HPSE2: variants seen among roughly 807,000 people sequenced by gnomAD.
The protein encoded by HPSE2 is heparanase 2 (inactive).
HPSE2 carries 38 observed loss-of-function variants against 60.5 expected under a neutral mutation model. That is an observed-to-expected ratio of 0.63 (90% CI 0.48 to 0.82). HPSE2 has a LOEUF of 0.82. HPSE2 is among the 40% of genes least tolerant of loss of function. HPSE2 has a pLI of 0.00. For missense variants in HPSE2, 713 were observed against 740.4 expected (o/e 0.96, Z 0.43); for synonymous variants, 295 against 293.2 (o/e 1.01, Z -0.06).
At chr10:99,123,411 TG>T (rs1845036019) in intron 3 of HPSE2, among the ~76,000 whole-genome samples, 1 of 152,144 alleles carries the variant, frequency 6.6e-6, no homozygotes, top group South Asian at 2.1e-4. Flanking sequence ...GCTGCTAGAC[TG>T]AAAAAAACTT....
intron 3 of HPSE2, among the ~76,000 whole-genome samples, chr10:99,038,973 G>T (rs1209114691): frequency 6.6e-6 from 1 of 152,040 alleles, no homozygotes; most frequent in East Asian, 1.9e-4. Context: ...AAGCCCATAG[G>T]CTGGATCTGG....
chr10:98,485,600 T>G (rs1941412706), intron 10 of HPSE2, among the ~76,000 whole-genome samples: 1 of 151,518 alleles, frequency 6.6e-6, no homozygotes, highest in Admixed American at 6.6e-5. Context: ...GTGTTGACCA[T>G]CATTAAAGAA....
In HPSE2 at chr10:99,235,822, C is replaced by A. The variant is rs546463916; in HGVS notation, c.-20G>T. ...CCTCATTCAATCCCTCTGATTTAAACCTCTCTTCCTACTGGGTCTCGCTAG... is the reference window on the plus strand; with the variant it reads ...CCTCATTCAATCCCTCTGATTTAAAACTCTCTTCCTACTGGGTCTCGCTAG... On this transcript the variant is annotated 5_prime_UTR_variant, in exon 1 of 12. Transcript: ENST00000370552. 1 of 1,608,532 alleles carries A rather than the reference C, an allele frequency of 6.2e-7. No individual in the cohort carries two copies. Among genetic ancestry groups the A allele is most frequent in the East Asian group, 2.2e-5 (1 of 44,776 alleles).
At chr10:98,965,950 C>T (rs868242193) in intron 3 of HPSE2, among the ~76,000 whole-genome samples, 4 of 151,592 alleles carry the variant, frequency 2.6e-5, no homozygotes, top group African/African-American at 4.9e-5. Context: ...AGTGCAGTGG[C>T]GCGAATCTGG....
intron 2 of HPSE2, 112 bp downstream of exon 2, chr10:99,232,214 TACACACACACACACACACACAC>T (rs59437000): frequency 4.5e-6 from 4 of 898,260 alleles, no homozygotes; most frequent in Admixed American, 4.5e-5. Flanking sequence ...CGCGCGCGCA[TACACACACACACACACACACAC>T]ACACACACAC....
chr10:98,841,264 C>T (rs1238405399), intron 3 of HPSE2, among the ~76,000 whole-genome samples: 2 of 152,078 alleles, frequency 1.3e-5, no homozygotes, highest in African/African-American at 4.8e-5. Context: ...GTCTCAACAA[C>T]AAAAACAACT....
the HPSE2 span, among the ~76,000 whole-genome samples, chr10:99,292,586 T>A: frequency 6.6e-6 from 1 of 152,132 alleles, no homozygotes; most frequent in Non-Finnish European, 1.5e-5. Context: ...ACCACAAATA[T>A]GAGCCACACA....
intron 2 of HPSE2, among the ~76,000 whole-genome samples, chr10:99,156,384 T>C (rs1291380291): frequency 7.0e-6 from 1 of 142,000 alleles, no homozygotes; most frequent in African/African-American, 2.5e-5. Context: ...CAGCAGCACA[T>C]CAAAAAGCTT....
At chr10:99,030,718 T>C (rs1458628118) in intron 3 of HPSE2, among the ~76,000 whole-genome samples, 1 of 152,184 alleles carries the variant, frequency 6.6e-6, no homozygotes, top group Non-Finnish European at 1.5e-5. Flanking sequence ...CTATTCACAA[T>C]AGCCAAGATT....
At chr10:98,670,839 A>G (rs563188) in intron 6 of HPSE2, among the ~76,000 whole-genome samples, 28,311 of 152,194 alleles carry the variant, frequency 0.19, 3,124 homozygotes, top group East Asian at 0.33. Context: ...TTCATGTGAA[A>G]TCTTTAGTGT....
chr10:98,559,185 G>A (rs561290999), intron 9 of HPSE2, among the ~76,000 whole-genome samples: 78 of 152,216 alleles, frequency 5.1e-4, no homozygotes, highest in African/African-American at 1.8e-3. Context: ...CTGCCACCAC[G>A]CCTGGCTAAT....
chr10:99,102,244 T>C (rs567710226), intron 3 of HPSE2, among the ~76,000 whole-genome samples: 31 of 151,244 alleles, frequency 2.0e-4, no homozygotes, highest in African/African-American at 7.5e-4. Flanking sequence ...GCAAGACTAA[T>C]AAAGAAGAAA....
At chr10:98,504,706 C>T (rs918210483) in intron 9 of HPSE2, among the ~76,000 whole-genome samples, 3 of 150,016 alleles carry the variant, frequency 2.0e-5, no homozygotes, top group African/African-American at 4.9e-5. Context: ...GGGAGAATGG[C>T]GTGAACCCAG....
At chr10:98,488,919 C>T (rs76083606) in intron 10 of HPSE2, among the ~76,000 whole-genome samples, 1 of 152,208 alleles carries the variant, frequency 6.6e-6, no homozygotes, top group Non-Finnish European at 1.5e-5. Flanking sequence ...CCCTGCCCCC[C>T]CTCTCCTCAG....
chr10:98,999,156 C>T lies in HPSE2; in HGVS notation c.610+145082G>A, dbSNP rs1005411099. 1.6e-3 allele frequency among the ~76,000 whole-genome samples: 219 copies of T among 137,688 alleles called. 1 individual carries two copies. The highest frequency in any genetic ancestry group is 5.5e-3 in the African/African-American group (208 of 38,062). 90.3% of individuals were successfully genotyped at this position (137,688 alleles called of 152,430 possible). On this transcript the variant is annotated intron_variant, in intron 3 of 11. Coordinates refer to ENST00000370552, the MANE Select transcript of HPSE2 (RefSeq NM_021828.5). ...GCACACTGCTAAGTGGTATAGACTA[C>T]GTGTGTGTGTGTGTGTGTGTGTGTG... is the stretch of plus-strand genomic sequence containing the variant.
At chr10:98,491,471 T>C (rs1396487539) in intron 9 of HPSE2, among the ~76,000 whole-genome samples, 1 of 152,214 alleles carries the variant, frequency 6.6e-6, no homozygotes, top group Non-Finnish European at 1.5e-5. Context: ...GTTGTGGGTT[T>C]AAGATGCTCA....
At chr10:99,066,433 G>A (rs562325764) in intron 3 of HPSE2, among the ~76,000 whole-genome samples, 23 of 152,292 alleles carry the variant, frequency 1.5e-4, no homozygotes, top group African/African-American at 4.6e-4. Flanking sequence ...AGTTGTATTA[G>A]TCTGTTCTCA....
Position 98,461,922 on chromosome 10 carries a change from T to C in HPSE2, c.1614-2183A>G, listed in dbSNP as rs1940308600. ...GCCCTATTCTGGTTTCTTTATTGGTTGGTTAAAAAGCTAAGAGTAGAACCA... is the reference window on the plus strand; with the variant it reads ...GCCCTATTCTGGTTTCTTTATTGGTCGGTTAAAAAGCTAAGAGTAGAACCA... On this transcript the variant is annotated intron_variant, in intron 11 of 11. Transcript: ENST00000370552. 7 of 872,508 alleles carry C rather than the reference T, an allele frequency of 8.0e-6. No homozygotes were observed. The Admixed American group carries it at 1.0e-4, about 13-fold the overall frequency. The allele number at this position is 872,508 out of a possible 1,614,324, so 54.0% of individuals were successfully genotyped here. A position where few individuals can be genotyped will look rare whatever the true frequency, so the allele number is the denominator to read the frequency against.
intron 11 of HPSE2, among the ~76,000 whole-genome samples, chr10:98,462,991 C>T (rs1006130002): frequency 2.6e-5 from 4 of 151,628 alleles, no homozygotes; most frequent in Admixed American, 1.3e-4. Context: ...GTGATGGTAC[C>T]GCCATTTATC....
Sources: allele counts gnomAD v4.1 joint callset (sites outside exome capture counted in the v4.1 genomes callset), GRCh38; gene constraint gnomAD v4.1.1; transcripts MANE v1.5; gene names NCBI Gene and HGNC (gene_info 2026-07-23, HGNC 2026-07-21).